The following JMY variants were observed in gnomAD, a reference collection of about 807,000 sequenced individuals.
JMY encodes junction mediating and regulatory protein, p53 cofactor.
In JMY, 46 loss-of-function variants were observed where a neutral mutation model predicts 103.3. The observed-to-expected ratio is 0.45, with a 90% CI of 0.35 to 0.57. JMY has a LOEUF of 0.57. Ranked by LOEUF, JMY falls within the 20% of genes least tolerant of loss-of-function variation. The pLI is 0.00. For synonymous variants in JMY, 526 were observed against 489.3 expected, an observed-to-expected ratio of 1.07 and a Z score of -0.99; for missense variants, 1,238 against 1,255.2, an observed-to-expected ratio of 0.99 and a Z score of 0.21.
In JMY at chr5:79,269,720, A is replaced by T. The variant is rs532101631; in HGVS notation, c.1033-8190A>T. Among the ~76,000 whole-genome samples the T allele has an allele frequency of 3.3e-5, 5 of 151,828 alleles. No individual in the cohort carries two copies. In the South Asian group the frequency reaches 1.0e-3, roughly 32 times the overall value. ...TTGGAATTTTTTTTGAAATTAATGT[A>T]TTTTATTTTTTATTTATTTTTTTTT... On this transcript the variant is annotated intron_variant, in intron 1 of 10. Transcript: ENST00000396137.
chr5:79,243,174 G>T (rs947416413), intron 1 of JMY, among the ~76,000 whole-genome samples: 2 of 151,672 alleles, frequency 1.3e-5, no homozygotes, highest in African/African-American at 4.8e-5. Flanking sequence ...TAACTGAAGG[G>T]GCAAGGGGCA....
Position 79,278,185 on chromosome 5 carries a change from A to G in JMY, c.1206+102A>G, listed in dbSNP as rs908206151. Reference sequence around the variant, plus strand: ...AGAGGAACTTTAAAAAAAAAAAAAAAAAGAAGGTACCTGGTCCTATTTCTG... The same window carrying G: ...AGAGGAACTTTAAAAAAAAAAAAAAGAAGAAGGTACCTGGTCCTATTTCTG... On this transcript the variant is annotated intron_variant, in intron 2 of 10. Transcript: ENST00000396137. 1.3e-4 allele frequency: 124 copies of G among 939,884 alleles called. 1 individual carries two copies. The highest frequency in any genetic ancestry group is 1.7e-4 in the Non-Finnish European group (113 of 647,134). 58.2% of individuals were successfully genotyped at this position (939,884 alleles called of 1,614,324 possible).
At chr5:79,258,260 A>G (rs989782042) in intron 1 of JMY, among the ~76,000 whole-genome samples, 1 of 151,492 alleles carries the variant, frequency 6.6e-6, no homozygotes, top group Non-Finnish European at 1.5e-5. Flanking sequence ...TAAAAATATC[A>G]GTTTGGAGCA....
intron 1 of JMY, among the ~76,000 whole-genome samples, chr5:79,253,378 C>T (rs529410437): frequency 1.1e-4 from 16 of 151,944 alleles, no homozygotes; most frequent in East Asian, 3.9e-4. Flanking sequence ...CTACAACCTC[C>T]GCCTCCTGGG....
intron 1 of JMY, among the ~76,000 whole-genome samples, chr5:79,266,737 C>T (rs1745598118): frequency 6.6e-6 from 1 of 152,212 alleles, no homozygotes; most frequent in African/African-American, 2.4e-5. Flanking sequence ...AAACCCCACA[C>T]TGATGTTTGA....
intron 9 of JMY, among the ~76,000 whole-genome samples, chr5:79,315,134 T>C (rs937939642): frequency 1.3e-5 from 2 of 150,994 alleles, no homozygotes; most frequent in African/African-American, 4.9e-5. Flanking sequence ...AGGGAAAAAG[T>C]TTTGATTTTA....
chr5:79,287,674 T>G (rs150489408), intron 2 of JMY, among the ~76,000 whole-genome samples: 2 of 152,230 alleles, frequency 1.3e-5, no homozygotes, highest in East Asian at 3.9e-4. Context: ...AAAGAAAAAT[T>G]TAAAGTCAGT....
At chr5:79,296,039 C>T (rs1216340735) in intron 4 of JMY, among the ~76,000 whole-genome samples, 1 of 152,152 alleles carries the variant, frequency 6.6e-6, no homozygotes, top group African/African-American at 2.4e-5. Flanking sequence ...AAGCCCAAAA[C>T]CATTATCTGA....
At chr5:79,294,793 G>C (rs1746521286) in intron 4 of JMY, among the ~76,000 whole-genome samples, 1 of 151,800 alleles carries the variant, frequency 6.6e-6, no homozygotes, top group Non-Finnish European at 1.5e-5. Flanking sequence ...AGGAGGCACA[G>C]GTTGCAGTGA....
intron 6 of JMY, among the ~76,000 whole-genome samples, chr5:79,303,875 GA>G (rs1437142279): frequency 2.8e-5 from 3 of 106,722 alleles, no homozygotes; most frequent in Non-Finnish European, 4.2e-5. Flanking sequence ...TCTGAGAAGG[GA>G]GTGCAGCAGA....
intron 1 of JMY, among the ~76,000 whole-genome samples, chr5:79,240,883 T>C (rs1744718846): frequency 6.6e-6 from 1 of 152,234 alleles, no homozygotes; most frequent in Admixed American, 6.5e-5. Context: ...AGTTGTGCCA[T>C]GTTTGTGTTA....
At chr5:79,252,027 C>T (rs1036829067) in intron 1 of JMY, among the ~76,000 whole-genome samples, 2 of 152,018 alleles carry the variant, frequency 1.3e-5, no homozygotes, top group African/African-American at 2.4e-5. Flanking sequence ...CTGCCTGCCT[C>T]GGCCTCTCAA....
chr5:79,280,719 G>A (rs1489586715), intron 2 of JMY, among the ~76,000 whole-genome samples: 1 of 152,066 alleles, frequency 6.6e-6, no homozygotes, highest in African/African-American at 2.4e-5. Flanking sequence ...TGTAAGTTGG[G>A]TACTCTTATT....
chr5:79,317,276 G>A (rs1747261723), intron 10 of JMY, among the ~76,000 whole-genome samples: 1 of 151,862 alleles, frequency 6.6e-6, no homozygotes, highest in Admixed American at 6.6e-5. Context: ...AAATTTGCAG[G>A]TATCATTAAT....
chr5:79,265,211 A>G (rs1215032222), intron 1 of JMY, among the ~76,000 whole-genome samples: 3 of 152,244 alleles, frequency 2.0e-5, no homozygotes, highest in Non-Finnish European at 2.9e-5. Flanking sequence ...GGCGTGAGCT[A>G]CTGCACCCGG....
At chr5:79,237,715 T>C in intron 1 of JMY, 33 bp downstream of exon 1, 1 of 1,562,752 alleles carries the variant, frequency 6.4e-7, no homozygotes, top group Non-Finnish European at 8.7e-7. Flanking sequence ...TGGGCTCTAC[T>C]GGTCGCTTTT....
chr5:79,312,498 G>A lies in JMY; in HGVS notation c.2064G>A (p.Gln688=). ...RTLDRLRTFK[Q]RYPGQVILKS... ...TGGATAGACTTCGAACATTTAAACA[G>A]GTATTAAAAGTAATGGTCCATTTAT... The change falls in exon 8 of 11, where the codon CAG becomes CAA. Residue 688 remains glutamine, a splice_region_variant and synonymous_variant. Transcript: ENST00000396137. 2.7e-6 allele frequency: 4 copies of A among 1,491,006 alleles called. 1 individual carries two copies. Among genetic ancestry groups the A allele is most frequent in the South Asian group, 2.6e-5 (2 of 75,530 alleles). The allele number at this position is 1,491,006 out of a possible 1,614,324, so 92.4% of individuals were successfully genotyped here.
intron 1 of JMY, among the ~76,000 whole-genome samples, chr5:79,274,687 T>A (rs1745884891): frequency 6.6e-6 from 1 of 152,238 alleles, no homozygotes; most frequent in African/African-American, 2.4e-5. Context: ...ATTATAGGCT[T>A]GATCCACCGC....
Position 79,324,056 on chromosome 5 carries a change from A to G in JMY, c.*2454A>G, listed in dbSNP as rs1374109225. On this transcript the variant is annotated 3_prime_UTR_variant, in exon 11 of 11. Transcript: ENST00000396137. ...CAGGTTCCTACTTCTACAAAATTTC[A>G]AATGATTGCAGGTCAAAAACCTTTG... is the stretch of plus-strand genomic sequence containing the variant. 1 of 152,204 alleles carries G rather than the reference A, an allele frequency of 6.6e-6. No homozygotes were observed. The highest frequency in any genetic ancestry group is 1.5e-5 in the Non-Finnish European group (1 of 68,036). The allele number at this position is 152,204 out of a possible 1,614,324, so 9.4% of individuals were successfully genotyped here. A position where few individuals can be genotyped will look rare whatever the true frequency, so the allele number is the denominator to read the frequency against.
Sources: gnomAD v4.1 joint callset for allele counts (sites outside exome capture counted in the v4.1 genomes callset) on GRCh38, gnomAD v4.1.1 for gene constraint, MANE v1.5 for transcripts, NCBI Gene and HGNC (gene_info 2026-07-23, HGNC 2026-07-21) for gene names.